KCNU1: variants seen among roughly 807,000 people sequenced by gnomAD.
The protein encoded by KCNU1 is potassium calcium-activated channel subfamily U member 1, also known as potassium channel subfamily U member 1.
A neutral mutation model predicts 126.8 loss-of-function variants in KCNU1; 93 were observed. The ratio of observed to expected loss-of-function variants is 0.73; its 90% confidence interval spans 0.62 to 0.87. KCNU1 has a LOEUF of 0.87. Ranked by LOEUF, KCNU1 falls within the 40% of genes least tolerant of loss-of-function variation. KCNU1 has a pLI of 0.00. For synonymous variants in KCNU1, 523 were observed against 494.2 expected (o/e 1.06, Z -0.77); for missense variants, 1,330 against 1,367.1 (o/e 0.97, Z 0.43).
chr8:36,906,588 C>T (rs1444324130), intron 20 of KCNU1, among the ~76,000 whole-genome samples: 2 of 152,004 alleles, frequency 1.3e-5, no homozygotes, highest in African/African-American at 2.4e-5. Flanking sequence ...GCTGTATGAA[C>T]CCTATATATA....
chr8:36,796,583 T>A (rs1194804245), intron 2 of KCNU1, among the ~76,000 whole-genome samples: 1 of 152,190 alleles, frequency 6.6e-6, no homozygotes, highest in Non-Finnish European at 1.5e-5. Flanking sequence ...GACAGTGCCT[T>A]TCATCAATAT....
chr8:36,918,750 A>T, intron 22 of KCNU1, 73 bp from the exon 23 acceptor site: 3 of 909,744 alleles, frequency 3.3e-6, no homozygotes, highest in Non-Finnish European at 5.5e-6. Context: ...AAGTTACATT[A>T]TATTCTTCTA....
intron 16 of KCNU1, among the ~76,000 whole-genome samples, chr8:36,843,111 T>C (rs1805017054): frequency 1.3e-5 from 2 of 152,220 alleles, no homozygotes; most frequent in Admixed American, 6.5e-5. Flanking sequence ...TACAACCACA[T>C]GCCCTTAAGA....
intron 22 of KCNU1, among the ~76,000 whole-genome samples, chr8:36,916,745 CTG>C (rs201040573): frequency 0.014 from 2,186 of 152,258 alleles, 28 homozygotes; most frequent in Non-Finnish European, 0.021. Flanking sequence ...TCACCAAAAA[CTG>C]AAAAATTTTG....
intron 19 of KCNU1, among the ~76,000 whole-genome samples, chr8:36,865,715 A>G (rs1227118008): frequency 6.8e-5 from 10 of 147,002 alleles, no homozygotes; most frequent in African/African-American, 2.3e-4. Flanking sequence ...GTTTGAGGTT[A>G]CAGTGAGTTG....
chr8:36,931,215 G>A, intron 25 of KCNU1, 70 bp downstream of exon 25: 1 of 1,122,174 alleles, frequency 8.9e-7, no homozygotes, highest in Non-Finnish European at 1.3e-6. Context: ...AATGGTCCAG[G>A]CTATTTGGGT....
At chr8:36,807,813 TA>T (rs5890879) in intron 6 of KCNU1, among the ~76,000 whole-genome samples, 17 of 147,170 alleles carry the variant, frequency 1.2e-4, no homozygotes, top group East Asian at 2.0e-4. Context: ...CCTGGCTAGG[TA>T]AAAAAAAAAG....
intron 19 of KCNU1, among the ~76,000 whole-genome samples, chr8:36,901,463 C>T (rs902095068): frequency 6.6e-6 from 1 of 152,140 alleles, no homozygotes; most frequent in Non-Finnish European, 1.5e-5. Flanking sequence ...TGCTGGAAGA[C>T]GTTCAAGTGA....
intron 19 of KCNU1, among the ~76,000 whole-genome samples, chr8:36,890,143 A>G (rs368169926): frequency 2.6e-5 from 4 of 152,246 alleles, no homozygotes; most frequent in South Asian, 2.1e-4. Flanking sequence ...TTACCCTAGA[A>G]GAAATGTCAA....
chr8:36,853,112 G>A (rs117890264), intron 18 of KCNU1, among the ~76,000 whole-genome samples: 479 of 152,306 alleles, frequency 3.1e-3, no homozygotes, highest in Middle Eastern at 6.8e-3. Context: ...CATTATGGGA[G>A]GCTGAGGTTG....
At chr8:36,915,838 T>C (rs559328470) in intron 22 of KCNU1, among the ~76,000 whole-genome samples, 120 of 152,260 alleles carry the variant, frequency 7.9e-4, no homozygotes, top group South Asian at 1.7e-3. Flanking sequence ...TATCTGAAAA[T>C]ATTTTGTATT....
intron 9 of KCNU1, among the ~76,000 whole-genome samples, chr8:36,816,101 A>AAT (rs1563272832): frequency 2.1e-3 from 324 of 151,864 alleles, no homozygotes; most frequent in African/African-American, 7.5e-3. Flanking sequence ...CCAATTTAAA[A>AAT]TAATTTAGTT....
At chr8:36,794,935 AAAAAC>A (rs1239520868) in intron 2 of KCNU1, among the ~76,000 whole-genome samples, 1 of 152,040 alleles carries the variant, frequency 6.6e-6, no homozygotes, top group Admixed American at 6.6e-5. Flanking sequence ...CAACAAAAAC[AAAAAC>A]AAAACAAAAC....
chr8:36,898,413 T>TC (rs1472173960), intron 19 of KCNU1, among the ~76,000 whole-genome samples: 3 of 151,824 alleles, frequency 2.0e-5, no homozygotes, highest in African/African-American at 7.3e-5. Flanking sequence ...AGGCCAAGCC[T>TC]CCCAACCCAC....
chr8:36,829,666 A>C (rs1051641737), intron 10 of KCNU1, among the ~76,000 whole-genome samples: 9 of 151,090 alleles, frequency 6.0e-5, no homozygotes, highest in African/African-American at 2.2e-4. Flanking sequence ...ATTATGAAAA[A>C]CTGCAGAAAT....
At chr8:36,883,346 C>T (rs912896314) in intron 19 of KCNU1, among the ~76,000 whole-genome samples, 8 of 152,278 alleles carry the variant, frequency 5.3e-5, no homozygotes, top group Middle Eastern at 3.4e-3. Flanking sequence ...GGCTAAATCC[C>T]CTATCTGTGA....
intron 23 of KCNU1, among the ~76,000 whole-genome samples, chr8:36,920,259 A>C (rs1272846155): frequency 1.3e-5 from 2 of 152,130 alleles, no homozygotes; most frequent in African/African-American, 4.8e-5. Flanking sequence ...TCCTTTATAT[A>C]AAATGGTGTA....
In KCNU1 at chr8:36,918,916, G is replaced by A; in HGVS notation, c.2596+19G>A. On this transcript the variant is annotated intron_variant, in intron 23 of 26. Transcript: ENST00000399881. ...GAACTGAGTAAGTGGTGTTTCGAGG[G>A]GAAAATTCAATGGAGAAATTTTTGT... The A allele has an allele frequency of 6.6e-7, 1 of 1,513,662 alleles. No homozygotes were observed. The highest frequency in any genetic ancestry group is 9.1e-7 in the Non-Finnish European group (1 of 1,094,034). The allele number at this position is 1,513,662 out of a possible 1,614,324, so 93.8% of individuals were successfully genotyped here. A position where few individuals can be genotyped will look rare whatever the true frequency, so the allele number is the denominator to read the frequency against.
At chr8:36,888,748 G>A (rs1410292634) in intron 19 of KCNU1, 3 of 534,160 alleles carry the variant, frequency 5.6e-6, no homozygotes, top group South Asian at 2.8e-5. Context: ...CCTACAAGAA[G>A]TATATCAAAG....
Sources: gnomAD v4.1 joint callset for allele counts (sites outside exome capture counted in the v4.1 genomes callset) on GRCh38, gnomAD v4.1.1 for gene constraint, MANE v1.5 for transcripts, NCBI Gene and HGNC (gene_info 2026-07-23, HGNC 2026-07-21) for gene names.